GAD2: variants seen among roughly 807,000 people sequenced by gnomAD.
GAD2 encodes the protein glutamate decarboxylase 2.
GAD2 carries 22 observed loss-of-function variants against 80.1 expected under a neutral mutation model. The observed-to-expected ratio is 0.27, with a 90% CI of 0.20 to 0.39. The LOEUF is 0.39. GAD2 is among the 10% of genes least tolerant of loss of function. The pLI, the probability that GAD2 is intolerant of heterozygous loss-of-function variation, is 1.00. For missense variants in GAD2, 624 were observed against 738.4 expected (o/e 0.85, Z 1.80); for synonymous variants, 274 against 256.9 (o/e 1.07, Z -0.64).
chr10:26,247,523 T>C (rs1844823670), intron 8 of GAD2, among the ~76,000 whole-genome samples: 2 of 151,876 alleles, frequency 1.3e-5, no homozygotes, highest in African/African-American at 4.8e-5. Context: ...CCTCACGGGG[T>C]CCAGAAGCCA....
chr10:26,293,018 A>C (rs745773882), intron 15 of GAD2, 27 bp downstream of exon 15: 5 of 1,551,428 alleles, frequency 3.2e-6, no homozygotes, highest in Non-Finnish European at 4.4e-6. Flanking sequence ...CCTCTGATAC[A>C]TGTGTGTATT....
At chr10:26,230,798 T>C in intron 7 of GAD2, among the ~76,000 whole-genome samples, 1 of 151,594 alleles carries the variant, frequency 6.6e-6, no homozygotes, top group East Asian at 2.0e-4. Flanking sequence ...CATAAAGAAA[T>C]AGCACCGTAC....
chr10:26,288,391 G>C (rs369166821), intron 13 of GAD2, among the ~76,000 whole-genome samples: 18 of 152,186 alleles, frequency 1.2e-4, no homozygotes, highest in African/African-American at 3.4e-4. Flanking sequence ...CCACTGTGTT[G>C]CCTGGTAATG....
At chr10:26,252,778 C>A (rs1385260095) in intron 8 of GAD2, among the ~76,000 whole-genome samples, 1 of 152,094 alleles carries the variant, frequency 6.6e-6, no homozygotes, top group East Asian at 1.9e-4. Context: ...CCTGTCTCAG[C>A]CTCCCAAGTA....
At chr10:26,284,821 G>A (rs921709907) in intron 12 of GAD2, among the ~76,000 whole-genome samples, 16 of 152,132 alleles carry the variant, frequency 1.1e-4, no homozygotes, top group Admixed American at 2.6e-4. Context: ...CACCCGCCTC[G>A]GCCTCCCAAA....
At chr10:26,260,753 C>T (rs1170999875) in intron 8 of GAD2, among the ~76,000 whole-genome samples, 1 of 152,198 alleles carries the variant, frequency 6.6e-6, no homozygotes, top group Non-Finnish European at 1.5e-5. Flanking sequence ...TTCCCCAGTA[C>T]TATAAAGGGG....
At chr10:26,290,466 C>T (rs1834201833) in intron 13 of GAD2, among the ~76,000 whole-genome samples, 1 of 152,132 alleles carries the variant, frequency 6.6e-6, no homozygotes, top group African/African-American at 2.4e-5. Flanking sequence ...AAGGCCATTC[C>T]ACGGAGTGGT....
intron 8 of GAD2, among the ~76,000 whole-genome samples, chr10:26,255,879 T>A (rs529035160): frequency 5.4e-5 from 8 of 148,530 alleles, no homozygotes; most frequent in Non-Finnish European, 1.2e-4. Context: ...GGGAGAGTGA[T>A]GTGTGATGGC....
In GAD2 at chr10:26,216,848, G is replaced by A. The variant is rs771734860; in HGVS notation, c.39G>A (p.Ser13=). Residue 13 remains serine (S), a synonymous_variant, in exon 1 of 16, where the codon TCG becomes TCA. Transcript: ENST00000376261. This position sits in a 1 kb window ranked among gnomAD's most constrained non-coding sequence, Gnocchi z 4.7. ...SPGSGFWSFG[S]EDGSGDSENP... ...GCTCTGGCTTTTGGTCTTTCGGGTC[G>A]GAAGATGGCTCTGGGGATTCCGAGA... 6 of 1,612,476 alleles carry A rather than the reference G, an allele frequency of 3.7e-6. No individual in the cohort carries two copies. The African/African-American group carries it at 5.4e-5, about 14-fold the overall frequency.
At chr10:26,233,951 C>A (rs1490093562) in intron 7 of GAD2, among the ~76,000 whole-genome samples, 2 of 152,162 alleles carry the variant, frequency 1.3e-5, no homozygotes, top group African/African-American at 4.8e-5. Flanking sequence ...CCTAGAAAAT[C>A]AAATGAGAGC....
intron 3 of GAD2, among the ~76,000 whole-genome samples, chr10:26,218,551 T>TCTCTCTCTCACACACACACACA (rs748110324): frequency 9.3e-5 from 11 of 118,778 alleles, no homozygotes; most frequent in African/African-American, 3.4e-4. Flanking sequence ...TCTCTCTCTC[T>TCTCTCTCTCACACACACACACA]CACACACACA....
intron 8 of GAD2, among the ~76,000 whole-genome samples, chr10:26,267,771 GAA>G (rs34282513): frequency 1.5e-5 from 2 of 137,540 alleles, no homozygotes. Flanking sequence ...TTATTGGCCT[GAA>G]AAAAAAAAAG....
At chr10:26,290,251 A>T (rs1201384571) in intron 13 of GAD2, among the ~76,000 whole-genome samples, 1 of 152,220 alleles carries the variant, frequency 6.6e-6, no homozygotes, top group African/African-American at 2.4e-5. Context: ...TTTCCAGACA[A>T]GATAAGATAA....
chr10:26,243,449 G>C (rs770731994), intron 7 of GAD2, among the ~76,000 whole-genome samples: 1 of 152,214 alleles, frequency 6.6e-6, no homozygotes. Context: ...TGTAAATTGA[G>C]GAAGCAGCTC....
rs182115062 is a variant in GAD2 at position 26,247,659 on chromosome 10, G to A, written c.920+1659G>A. 6.6e-4 allele frequency among the ~76,000 whole-genome samples: 101 copies of A among 152,132 alleles called. 1 individual carries two copies. Among genetic ancestry groups the A allele is most frequent in the African/African-American group, 2.4e-3 (101 of 41,508 alleles). On this transcript the variant is annotated intron_variant, in intron 8 of 15. Transcript: ENST00000376261. The stretch of plus-strand genomic sequence containing the variant: ...GTCTGTAATCCCAGCATTTTGGGAG[G>A]CCGAGGCGGGTGGATAACCTGAGGT...
intron 8 of GAD2, among the ~76,000 whole-genome samples, chr10:26,268,910 T>C (rs1845101924): frequency 6.6e-6 from 1 of 152,128 alleles, no homozygotes; most frequent in Non-Finnish European, 1.5e-5. Context: ...CACAATACGG[T>C]CACAAGTCTG....
At chr10:26,295,508 GCACACACA>G (rs61216190) in intron 15 of GAD2, among the ~76,000 whole-genome samples, 61 of 133,900 alleles carry the variant, frequency 4.6e-4, no homozygotes, top group Middle Eastern at 3.8e-3. Context: ...TCATACGCAT[GCACACACA>G]CACACACACA....
intron 11 of GAD2, among the ~76,000 whole-genome samples, chr10:26,278,189 G>A (rs1197513599): frequency 6.6e-6 from 1 of 152,220 alleles, no homozygotes; most frequent in Admixed American, 6.5e-5. Context: ...ACCACAGCCA[G>A]ACATGGAAGA....
At chr10:26,248,637 C>T (rs1199774343) in intron 8 of GAD2, among the ~76,000 whole-genome samples, 2 of 152,298 alleles carry the variant, frequency 1.3e-5, no homozygotes, top group African/African-American at 4.8e-5. Context: ...TGAAGGAACT[C>T]GTTTCCCTTT....
Sources: allele counts gnomAD v4.1 joint callset (sites outside exome capture counted in the v4.1 genomes callset), GRCh38; gene constraint gnomAD v4.1.1; non-coding constraint Gnocchi (gnomAD v3.1); transcripts MANE v1.5; gene names NCBI Gene and HGNC (gene_info 2026-07-23, HGNC 2026-07-21).